DPP10: variants seen among roughly 807,000 people sequenced by gnomAD.
The protein encoded by DPP10 is inactive dipeptidyl peptidase 10.
In DPP10, 33 loss-of-function variants were observed where a neutral mutation model predicts 120.9. That is an observed-to-expected ratio of 0.27 (90% confidence interval 0.21 to 0.37). The LOEUF (loss-of-function observed/expected upper bound fraction) is 0.37. Among genes scored for constraint, DPP10 ranks in the 10% least tolerant of loss-of-function variants. The pLI is 1.00. For missense variants in DPP10, 816 were observed against 942.8 expected (o/e 0.87, Z 1.76); for synonymous variants, 337 against 326.1 (o/e 1.03, Z -0.36).
intron 1 of DPP10, among the ~76,000 whole-genome samples, chr2:115,055,940 C>T (rs1342359600): frequency 6.6e-6 from 1 of 151,700 alleles, no homozygotes; most frequent in Non-Finnish European, 1.5e-5. Flanking sequence ...AATCATGCAG[C>T]ATGTAAAACA....
chr2:115,740,025 C>G, intron 9 of DPP10, 132 bp downstream of exon 9: 1 of 931,886 alleles, frequency 1.1e-6, no homozygotes, highest in Non-Finnish European at 1.7e-6. Flanking sequence ...TCAGACTCAT[C>G]ACTTTCGATC....
chr2:115,534,362 T>C (rs2078666403), intron 5 of DPP10, among the ~76,000 whole-genome samples: 1 of 151,646 alleles, frequency 6.6e-6, no homozygotes, highest in Admixed American at 6.6e-5. Context: ...TATGCGGTGT[T>C]TGGTTTTTTG....
At chr2:114,658,174 AG>A in intron 1 of DPP10, among the ~76,000 whole-genome samples, 1 of 152,326 alleles carries the variant, frequency 6.6e-6, no homozygotes, top group East Asian at 1.9e-4. Context: ...GGGGGTAACA[AG>A]GCGTTCACAA....
At chr2:114,495,778 T>C (rs1682459747) in intron 1 of DPP10, among the ~76,000 whole-genome samples, 1 of 152,176 alleles carries the variant, frequency 6.6e-6, no homozygotes. Flanking sequence ...AAGAAGCTTC[T>C]TGAGTGTCTA....
intron 1 of DPP10, among the ~76,000 whole-genome samples, chr2:115,256,673 T>G (rs555202504): frequency 1.4e-4 from 21 of 152,234 alleles, no homozygotes; most frequent in Non-Finnish European, 2.8e-4. Flanking sequence ...TATCAGCACC[T>G]GGCTATTTTT....
intron 5 of DPP10, among the ~76,000 whole-genome samples, chr2:115,601,854 T>G (rs1366884247): frequency 7.2e-6 from 1 of 138,548 alleles, no homozygotes; most frequent in Non-Finnish European, 1.6e-5. Context: ...TTTTTTTTTT[T>G]TGTACTTTAA....
intron 7 of DPP10, among the ~76,000 whole-genome samples, chr2:115,700,659 A>G (rs1319451777): frequency 4.6e-5 from 7 of 152,166 alleles, no homozygotes; most frequent in African/African-American, 1.7e-4. Flanking sequence ...TTTACAGATT[A>G]TATAATTTTA....
In DPP10 at chr2:115,814,833, C is replaced by T. The variant is rs1687043292; in HGVS notation, c.1741C>T (p.His581Tyr). The T allele has an allele frequency of 6.3e-7, 1 of 1,592,046 alleles. No homozygotes were observed. The highest frequency in any genetic ancestry group is 8.6e-7 in the Non-Finnish European group (1 of 1,164,236). Residue 581 changes from histidine (H) to tyrosine (Y), a missense_variant, in exon 20 of 26, where the codon CAT (histidine) becomes TAT (tyrosine). Physicochemically the swap from His to Tyr is moderately conservative, Grantham distance 83. This residue lies in a region of DPP10 where 592 missense variants were observed against 649.0 expected (regional missense o/e 0.91). Coordinates refer to ENST00000410059, the MANE Select transcript of DPP10 (RefSeq NM_020868.6). ...PGGQLVTDKFHIDWDSVLIDM... is the reference protein window; with the variant it reads ...PGGQLVTDKFYIDWDSVLIDM... ...AGGCCAGCTGGTTACAGATAAGTTC[C>T]ATATTGACTGGGATTCCGTACTCAT...
intron 1 of DPP10, among the ~76,000 whole-genome samples, chr2:114,458,249 A>G (rs1048588149): frequency 6.6e-6 from 1 of 152,158 alleles, no homozygotes; most frequent in African/African-American, 2.4e-5. Flanking sequence ...TCTCATCCTG[A>G]TAGCATCTTG....
At chr2:115,613,946 A>G (rs1445781036) in intron 5 of DPP10, among the ~76,000 whole-genome samples, 2 of 152,180 alleles carry the variant, frequency 1.3e-5, no homozygotes, top group African/African-American at 4.8e-5. Flanking sequence ...ATGCCTCTCC[A>G]CAGGAGGGAA....
At chr2:115,626,411 C>T (rs1431420643) in intron 5 of DPP10, among the ~76,000 whole-genome samples, 1 of 152,002 alleles carries the variant, frequency 6.6e-6, no homozygotes, top group Non-Finnish European at 1.5e-5. Flanking sequence ...ATTCAGGTAA[C>T]ATTATTCCTA....
At chr2:115,167,248 C>G (rs1176044371) in intron 1 of DPP10, among the ~76,000 whole-genome samples, 1 of 144,332 alleles carries the variant, frequency 6.9e-6, no homozygotes, top group Non-Finnish European at 1.5e-5. Context: ...GAATAAGAGC[C>G]TAGACAAAAT....
intron 1 of DPP10, among the ~76,000 whole-genome samples, chr2:115,011,172 G>T (rs1463279148): frequency 6.6e-6 from 1 of 152,178 alleles, no homozygotes; most frequent in Non-Finnish European, 1.5e-5. Context: ...TTTTAGATTT[G>T]TTGAGACTTA....
At position 115,690,841 on chromosome 2, in the gene DPP10, G is replaced by C. The variant is rs147969454; in HGVS notation, c.576+920G>C. Among the ~76,000 whole-genome samples the C allele has an allele frequency of 2.0e-4, 31 of 152,236 alleles. No homozygotes were observed. In the East Asian group the frequency reaches 5.8e-3, roughly 28 times the overall value. On this transcript the variant is annotated intron_variant, in intron 7 of 25. Coordinates refer to ENST00000410059, the MANE Select transcript of DPP10 (RefSeq NM_020868.6). The stretch of plus-strand genomic sequence containing the variant: ...CAGATGTACTGAGCATCACCAAACT[G>C]ATTTCTAGGTTATTTGTTAAGCGTG...
chr2:115,055,498 G>A (rs199731059), intron 1 of DPP10, among the ~76,000 whole-genome samples: 2 of 152,074 alleles, frequency 1.3e-5, no homozygotes, highest in African/African-American at 4.8e-5. Flanking sequence ...ACTTAAACAG[G>A]TCACTTTGAA....
intron 1 of DPP10, among the ~76,000 whole-genome samples, chr2:114,545,106 T>C (rs1369470809): frequency 6.6e-6 from 1 of 152,180 alleles, no homozygotes; most frequent in Non-Finnish European, 1.5e-5. Context: ...CACTTCAGCC[T>C]TCCAAATTGC....
At chr2:115,189,381 T>G (rs1377245343) in intron 1 of DPP10, among the ~76,000 whole-genome samples, 1 of 151,540 alleles carries the variant, frequency 6.6e-6, no homozygotes, top group Non-Finnish European at 1.5e-5. Flanking sequence ...CGACAAGGGG[T>G]GACTCAGGTC....
chr2:114,548,397 G>A (rs887714180), intron 1 of DPP10, among the ~76,000 whole-genome samples: 1 of 152,136 alleles, frequency 6.6e-6, no homozygotes, highest in African/African-American at 2.4e-5. Context: ...TGCGACATCT[G>A]GGTTCTCATT....
intron 1 of DPP10, among the ~76,000 whole-genome samples, chr2:115,097,463 C>CTGTGA (rs1029033771): frequency 2.0e-5 from 3 of 152,164 alleles, no homozygotes; most frequent in Non-Finnish European, 4.4e-5. Flanking sequence ...TATATCATGA[C>CTGTGA]TGTGATTGGC....
Sources: allele counts gnomAD v4.1 joint callset (sites outside exome capture counted in the v4.1 genomes callset), GRCh38; gene constraint gnomAD v4.1.1; regional missense constraint gnomAD v4.1.1; transcripts MANE v1.5; gene names NCBI Gene and HGNC (gene_info 2026-07-23, HGNC 2026-07-21).